ARHGAP8: variants seen among roughly 807,000 people sequenced by gnomAD.
ARHGAP8 encodes the protein Rho GTPase activating protein 8.
Under a neutral mutation model 46.1 loss-of-function variants are expected in ARHGAP8, and 62 were observed. The observed-to-expected ratio is 1.34, with a 90% CI of 1.10 to 1.66. The LOEUF is 1.66. Ranked by LOEUF, ARHGAP8 falls within the 40% of genes most tolerant of loss-of-function variation. The pLI is 0.00. For synonymous variants in ARHGAP8, 375 were observed against 243.1 expected, an observed-to-expected ratio of 1.54 and a Z score of -5.05; for missense variants, 923 against 568.4, an observed-to-expected ratio of 1.62 and a Z score of -6.34.
intron 1 of ARHGAP8, among the ~76,000 whole-genome samples, chr22:44,782,106 G>A (rs1365607587): frequency 6.6e-6 from 1 of 152,074 alleles, no homozygotes; most frequent in Non-Finnish European, 1.5e-5. Context: ...AGGCTGAGGC[G>A]GGCAGATCAC....
intron 11 of ARHGAP8, among the ~76,000 whole-genome samples, chr22:44,862,054 G>C (rs902867437): frequency 6.6e-6 from 1 of 152,208 alleles, no homozygotes; most frequent in Non-Finnish European, 1.5e-5. Flanking sequence ...CAGAGCCAGA[G>C]GGTCCTCCAG....
intron 7 of ARHGAP8, among the ~76,000 whole-genome samples, chr22:44,826,975 C>A (rs553504782): frequency 3.4e-4 from 52 of 152,258 alleles, no homozygotes; most frequent in African/African-American, 1.2e-3. Flanking sequence ...GAAGTCCATG[C>A]CCTCATTCCC....
chr22:44,752,789 C>T (rs886313343), intron 1 of ARHGAP8, 162 bp downstream of exon 1: 5 of 151,682 alleles, frequency 3.3e-5, no homozygotes, highest in African/African-American at 1.2e-4. Context: ...GGGGGGAGAC[C>T]CTCCGGCCGG....
intron 4 of ARHGAP8, 55 bp downstream of exon 4, chr22:44,808,493 A>C: frequency 1.3e-6 from 2 of 1,598,096 alleles, no homozygotes; most frequent in Non-Finnish European, 1.7e-6. Context: ...TGGCAGGAGG[A>C]GGCATTGTGG....
intron 4 of ARHGAP8, chr22:44,809,331 C>G (rs1278990612): frequency 2.5e-6 from 1 of 396,850 alleles, no homozygotes; most frequent in African/African-American, 2.1e-5. Context: ...AGCTTGCAGC[C>G]TGTACCAAAG....
At chr22:44,782,397 T>G (rs567451042) in intron 1 of ARHGAP8, among the ~76,000 whole-genome samples, 1 of 152,328 alleles carries the variant, frequency 6.6e-6, no homozygotes, top group South Asian at 2.1e-4. Context: ...AATTCAGGGC[T>G]GTCGAGTCCA....
At chr22:44,835,394 C>T (rs564546531) in intron 7 of ARHGAP8, among the ~76,000 whole-genome samples, 28 of 151,990 alleles carry the variant, frequency 1.8e-4, no homozygotes, top group Non-Finnish European at 2.8e-4. Context: ...CCGAGGTGGG[C>T]GGATCACGAG....
chr22:44,830,238 G>C lies in ARHGAP8; in HGVS notation c.596+4645G>C, dbSNP rs1017373060. On this transcript the variant is annotated intron_variant, in intron 7 of 11. Coordinates refer to ENST00000356099, the MANE Select transcript of ARHGAP8 (RefSeq NM_181335.3). The stretch of plus-strand genomic sequence containing the variant: ...GGGGTTTTGCCGTGTTGGCCAGGCT[G>C]GTCGCAAAGTCCTGACCTCAGGTGA... Among the ~76,000 whole-genome samples the C allele has an allele frequency of 7.2e-5, 11 of 152,222 alleles. 1 individual carries two copies. In the East Asian group the frequency reaches 1.5e-3, roughly 21 times the overall value.
chr22:44,803,107 A>C (rs1265816854), intron 3 of ARHGAP8, among the ~76,000 whole-genome samples: 1 of 152,152 alleles, frequency 6.6e-6, no homozygotes, highest in African/African-American at 2.4e-5. Context: ...TGAACTGAGG[A>C]AATCACCCCT....
intron 4 of ARHGAP8, among the ~76,000 whole-genome samples, chr22:44,811,173 C>G (rs1317434706): frequency 6.6e-6 from 1 of 152,238 alleles, no homozygotes; most frequent in Non-Finnish European, 1.5e-5. Context: ...GTGGGTCACT[C>G]CCGCTTGGGA....
intron 2 of ARHGAP8, 40 bp downstream of exon 2, chr22:44,786,646 A>G: frequency 1.3e-6 from 2 of 1,589,778 alleles, no homozygotes; most frequent in Non-Finnish European, 1.7e-6. Context: ...CCATGGGCAG[A>G]GCAGCCTTCC....
chr22:44,843,428 A>G (rs1931776890), intron 7 of ARHGAP8, among the ~76,000 whole-genome samples: 1 of 152,212 alleles, frequency 6.6e-6, no homozygotes, highest in African/African-American at 2.4e-5. Context: ...AAATAAATAG[A>G]TTTTCTCATT....
At chr22:44,792,776 T>G (rs1927786131) in intron 2 of ARHGAP8, among the ~76,000 whole-genome samples, 2 of 151,102 alleles carry the variant, frequency 1.3e-5, no homozygotes. Flanking sequence ...CTTTGTAGAA[T>G]TTTGACACTA....
At chr22:44,861,673 G>C (rs890363308) in intron 11 of ARHGAP8, among the ~76,000 whole-genome samples, 1 of 152,150 alleles carries the variant, frequency 6.6e-6, no homozygotes, top group South Asian at 2.1e-4. Context: ...CCCTCACGTT[G>C]GTCCACATGG....
At chr22:44,838,139 A>ATTTTTT (rs1569172273) in intron 7 of ARHGAP8, among the ~76,000 whole-genome samples, 2 of 139,064 alleles carry the variant, frequency 1.4e-5, no homozygotes, top group African/African-American at 5.4e-5. Context: ...ATGCCTGGCT[A>ATTTTTT]ATTTTTTTTT....
chr22:44,855,215 A>G (rs1055167754), intron 10 of ARHGAP8, among the ~76,000 whole-genome samples: 6 of 152,102 alleles, frequency 3.9e-5, no homozygotes, highest in Non-Finnish European at 8.8e-5. Context: ...TCTGCAAAGA[A>G]AAAAAGAATT....
chr22:44,758,897 G>A (rs896770258), intron 1 of ARHGAP8, among the ~76,000 whole-genome samples: 30 of 152,204 alleles, frequency 2.0e-4, no homozygotes, highest in African/African-American at 7.0e-4. Flanking sequence ...GAGAGAGGTC[G>A]GTCCTGAGAT....
intron 4 of ARHGAP8, among the ~76,000 whole-genome samples, chr22:44,811,793 C>T (rs982452663): frequency 6.6e-5 from 10 of 152,006 alleles, no homozygotes; most frequent in South Asian, 4.1e-4. Context: ...GTCAGGATTT[C>T]GAGACCAGTC....
At chr22:44,849,722 AAC>A (rs1569179483) in intron 10 of ARHGAP8, 1 of 152,262 alleles carries the variant, frequency 6.6e-6, no homozygotes, top group Admixed American at 6.5e-5. Flanking sequence ...TTGGAGCACT[AAC>A]AGTCGAAGGG....
Sources: allele counts gnomAD v4.1 joint callset (sites outside exome capture counted in the v4.1 genomes callset), GRCh38; gene constraint gnomAD v4.1.1; transcripts MANE v1.5; gene names NCBI Gene and HGNC (gene_info 2026-07-23, HGNC 2026-07-21).